Variants in TRPS1 observed in about 807,000 individuals in gnomAD.
TRPS1 encodes zinc finger transcription factor Trps1.
A neutral mutation model predicts 101.2 loss-of-function variants in TRPS1; 6 were observed. That is an observed-to-expected ratio of 0.06 (90% CI 0.03 to 0.12). The LOEUF (loss-of-function observed/expected upper bound fraction) is 0.12, where lower values mean the gene tolerates loss of function less well. Among genes scored for constraint, TRPS1 ranks in the 10% least tolerant of loss-of-function variants. The pLI, the probability that TRPS1 is intolerant of heterozygous loss-of-function variation, is 1.00. For synonymous variants in TRPS1, 578 were observed against 589.8 expected (o/e 0.98, Z 0.29); for missense variants, 1,363 against 1,567.0 (o/e 0.87, Z 2.20).
chr8:115,652,256 C>T (rs992602066), intron 1 of TRPS1, among the ~76,000 whole-genome samples: 1 of 152,114 alleles, frequency 6.6e-6, no homozygotes, highest in African/African-American at 2.4e-5. Flanking sequence ...CTACTGGCGA[C>T]TTCAATACAG....
At chr8:115,594,967 T>A (rs536166219) in intron 4 of TRPS1, among the ~76,000 whole-genome samples, 2 of 151,942 alleles carry the variant, frequency 1.3e-5, no homozygotes, top group African/African-American at 2.4e-5. Context: ...AGCATGTTAC[T>A]TTCAGTAATT....
intron 5 of TRPS1, among the ~76,000 whole-genome samples, chr8:115,493,126 G>C (rs1815068837): frequency 6.6e-6 from 1 of 152,110 alleles, no homozygotes; most frequent in South Asian, 2.1e-4. Flanking sequence ...GCCTGCACCT[G>C]AATATCCACC....
At chr8:115,630,460 C>G (rs1488259016) in intron 1 of TRPS1, among the ~76,000 whole-genome samples, 1 of 151,926 alleles carries the variant, frequency 6.6e-6, no homozygotes, top group Non-Finnish European at 1.5e-5. Context: ...GGACCCCTAT[C>G]ATAACAGAGT....
intron 5 of TRPS1, among the ~76,000 whole-genome samples, chr8:115,550,614 T>C (rs1332043574): frequency 2.0e-5 from 3 of 152,222 alleles, no homozygotes; most frequent in Admixed American, 6.5e-5. Context: ...TAGTGACCTC[T>C]CTGGTACTGG....
At chr8:115,519,783 A>C (rs1815812686) in intron 5 of TRPS1, among the ~76,000 whole-genome samples, 2 of 151,860 alleles carry the variant, frequency 1.3e-5, no homozygotes, top group Admixed American at 1.3e-4. Flanking sequence ...TTTACTAAAA[A>C]CATAAGATTA....
At chr8:115,567,546 T>C (rs1817097920) in intron 5 of TRPS1, among the ~76,000 whole-genome samples, 1 of 152,092 alleles carries the variant, frequency 6.6e-6, no homozygotes, top group Non-Finnish European at 1.5e-5. Flanking sequence ...TATTCAGATA[T>C]GGATTCAAGA....
chr8:115,531,607 C>G (rs991082134), intron 5 of TRPS1, among the ~76,000 whole-genome samples: 1 of 152,070 alleles, frequency 6.6e-6, no homozygotes, highest in African/African-American at 2.4e-5. Context: ...TTAAAGAAGA[C>G]AGGTTAGGAA....
intron 5 of TRPS1, among the ~76,000 whole-genome samples, chr8:115,534,662 T>C (rs180836973): frequency 9.8e-5 from 15 of 152,374 alleles, no homozygotes; most frequent in Non-Finnish European, 1.8e-4. Flanking sequence ...ATTCTCTTTC[T>C]CGCTTTTTTT....
At chr8:115,499,137 G>C (rs963821019) in intron 5 of TRPS1, among the ~76,000 whole-genome samples, 2 of 152,102 alleles carry the variant, frequency 1.3e-5, no homozygotes, top group African/African-American at 2.4e-5. Context: ...AGCAGATGAA[G>C]AGCTACTTTC....
chr8:115,533,453 T>TTTTTG (rs1816198653), intron 5 of TRPS1, among the ~76,000 whole-genome samples: 1 of 135,360 alleles, frequency 7.4e-6, no homozygotes, highest in African/African-American at 2.9e-5. Context: ...TTTTTTTTTT[T>TTTTTG]TTTTTTCCTG....
intron 2 of TRPS1, 24 bp downstream of exon 2, chr8:115,623,577 C>T: frequency 6.2e-7 from 1 of 1,611,098 alleles, no homozygotes; most frequent in Non-Finnish European, 8.5e-7. Flanking sequence ...TTAACATTTT[C>T]ACTTGAAAAA....
chr8:115,447,449 A>C (rs753253380), intron 5 of TRPS1, among the ~76,000 whole-genome samples: 2 of 152,180 alleles, frequency 1.3e-5, no homozygotes, highest in Non-Finnish European at 2.9e-5. Context: ...TGTGTTTTAG[A>C]AGCTTATAGG....
chr8:115,487,489 G>A (rs1265302681), intron 5 of TRPS1, among the ~76,000 whole-genome samples: 1 of 152,120 alleles, frequency 6.6e-6, no homozygotes, highest in Non-Finnish European at 1.5e-5. Flanking sequence ...TGCTCTGATG[G>A]ATCTGGGCAA....
At chr8:115,428,338 T>C (rs1390381183) in intron 5 of TRPS1, among the ~76,000 whole-genome samples, 3 of 152,240 alleles carry the variant, frequency 2.0e-5, no homozygotes, top group Admixed American at 6.5e-5. Flanking sequence ...TCTATGAAGC[T>C]TACTATTATA....
At chr8:115,467,041 T>C (rs1365177682) in intron 5 of TRPS1, among the ~76,000 whole-genome samples, 3 of 152,176 alleles carry the variant, frequency 2.0e-5, no homozygotes, top group South Asian at 2.1e-4. Context: ...GATCTCACCA[T>C]AGGCCTGTTT....
chr8:115,430,167 G>A lies in TRPS1; in HGVS notation c.2701-11715C>T, dbSNP rs1813284189. 2.0e-5 allele frequency among the ~76,000 whole-genome samples: 3 copies of A among 152,158 alleles called. No individual in the cohort carries two copies. In the South Asian group the frequency reaches 6.2e-4, roughly 32 times the overall value. ...GTGACAAGGTACAAACTTAACTGTT[G>A]GAGCATTCGAATGTTAGTTTTGCCT... is the stretch of plus-strand genomic sequence containing the variant. On this transcript the variant is annotated intron_variant, in intron 5 of 6. Coordinates refer to ENST00000395715, the MANE Select transcript of TRPS1 (RefSeq NM_014112.5).
At chr8:115,564,736 GT>G (rs1369989484) in intron 5 of TRPS1, among the ~76,000 whole-genome samples, 1 of 152,040 alleles carries the variant, frequency 6.6e-6, no homozygotes, top group Non-Finnish European at 1.5e-5. Flanking sequence ...GTCCACTCCT[GT>G]AGCAGACTTG....
At chr8:115,574,076 C>T (rs2130405545) in intron 5 of TRPS1, among the ~76,000 whole-genome samples, 1 of 152,288 alleles carries the variant, frequency 6.6e-6, no homozygotes, top group East Asian at 1.9e-4. Flanking sequence ...TCACCTACAG[C>T]TAACTGTATA....
In TRPS1 at chr8:115,448,461, C is replaced by A. The variant is rs34112856; in HGVS notation, c.2701-30009G>T. On this transcript the variant is annotated intron_variant, in intron 5 of 6. Transcript: ENST00000395715. ...AAGACTCTGTTCTTTTCTGTCAGAA[C>A]GAGTGCTGACAGCCAAATGGACAAC... Among the ~76,000 whole-genome samples the A allele has an allele frequency of 1.2e-3, 182 of 152,228 alleles. 1 individual carries two copies. Among genetic ancestry groups the A allele is most frequent in the Middle Eastern group, 3.4e-3 (1 of 294 alleles).
Sources: allele counts gnomAD v4.1 joint callset (sites outside exome capture counted in the v4.1 genomes callset), GRCh38; gene constraint gnomAD v4.1.1; transcripts MANE v1.5; gene names NCBI Gene and HGNC (gene_info 2026-07-23, HGNC 2026-07-21).